The following GABRB3 variants were observed in gnomAD, a reference collection of about 807,000 sequenced individuals.
GABRB3 encodes gamma-aminobutyric acid receptor subunit beta-3.
In GABRB3, 14 loss-of-function variants were observed where a neutral mutation model predicts 52.1. The ratio of observed to expected loss-of-function variants is 0.27; its 90% confidence interval spans 0.18 to 0.42. The LOEUF is 0.42. Ranked by LOEUF, GABRB3 falls within the 10% of genes least tolerant of loss-of-function variation. The pLI is 1.00. For synonymous variants in GABRB3, 260 were observed against 232.3 expected (o/e 1.12, Z -1.08); for missense variants, 307 against 609.1 (o/e 0.50, Z 5.22).
At chr15:26,643,204 C>A (rs1893255717) in intron 3 of GABRB3, among the ~76,000 whole-genome samples, 1 of 152,192 alleles carries the variant, frequency 6.6e-6, no homozygotes, top group Non-Finnish European at 1.5e-5. Flanking sequence ...TATGACAGTT[C>A]ACCGAGGAGC....
chr15:26,772,573 C>A, intron 2 of GABRB3, 104 bp from the exon 3 acceptor site: 1 of 1,435,498 alleles, frequency 7.0e-7, no homozygotes, highest in Non-Finnish European at 9.4e-7. Context: ...CGAAGGGCCC[C>A]CACTCCCACC....
At chr15:26,576,879 G>C (rs1890612989) in intron 6 of GABRB3, among the ~76,000 whole-genome samples, 1 of 152,162 alleles carries the variant, frequency 6.6e-6, no homozygotes, top group Non-Finnish European at 1.5e-5. Flanking sequence ...CGTGTTCAAA[G>C]ACTGAGCCTG....
rs1057524415 is a variant in GABRB3, at chr15:26,772,699, G to A, written c.154C>T (p.Leu52=). Residue 52 remains leucine, a synonymous_variant, in exon 2 of 9, where the codon CTA becomes TTA. Coordinates refer to ENST00000311550, the MANE Select transcript of GABRB3 (RefSeq NM_000814.6). ...DKLLKGYDIR[L]RPDFGGPPVC... ...CACTTACCCCCGAAGTCGGGTCTTAGGCGAATGTCGTAGCCTTTCAACAGC... is the reference window on the plus strand; with the variant it reads ...CACTTACCCCCGAAGTCGGGTCTTAAGCGAATGTCGTAGCCTTTCAACAGC... The A allele has an allele frequency of 4.4e-6, 7 of 1,578,888 alleles. No individual in the cohort carries two copies. The highest frequency in any genetic ancestry group is 6.0e-6 in the Non-Finnish European group (7 of 1,162,538).
rs549696827 is a variant in GABRB3, at chr15:26,615,926, G to A, written c.461+5388C>T. On this transcript the variant is annotated intron_variant, in intron 4 of 8. Transcript: ENST00000311550. The stretch of plus-strand genomic sequence containing the variant: ...GTAGGAAAGCAATCTCTGCTGGGCA[G>A]GACCTTCCTCAGCAGTACTTTACAA... The A allele has an allele frequency of 8.4e-5, 108 of 1,287,206 alleles. No homozygotes were observed. The African/African-American group carries it at 1.2e-3, about 15-fold the overall frequency. 79.7% of individuals were successfully genotyped at this position (1,287,206 alleles called of 1,614,324 possible).
chr15:26,639,104 T>C (rs1007413916), intron 3 of GABRB3, among the ~76,000 whole-genome samples: 30 of 152,252 alleles, frequency 2.0e-4, no homozygotes, highest in African/African-American at 6.0e-4. Context: ...GGTTTTCAGA[T>C]GGTTCTCACG....
intron 3 of GABRB3, among the ~76,000 whole-genome samples, chr15:26,638,782 A>T (rs1893120367): frequency 6.6e-6 from 1 of 152,116 alleles, no homozygotes; most frequent in Admixed American, 6.6e-5. Context: ...CACTATTTTG[A>T]TTTAAACCTT....
chr15:26,619,711 A>C (rs946737861), intron 4 of GABRB3, among the ~76,000 whole-genome samples: 82 of 152,258 alleles, frequency 5.4e-4, no homozygotes, highest in African/African-American at 1.8e-3. Context: ...ATGCAAAAAT[A>C]AAAGTGGAGA....
chr15:26,608,541 T>G (rs1355967137), intron 4 of GABRB3, among the ~76,000 whole-genome samples: 1 of 151,996 alleles, frequency 6.6e-6, no homozygotes, highest in African/African-American at 2.4e-5. Context: ...GTGCAAGCAA[T>G]CCATCCATTA....
Position 26,669,628 on chromosome 15 carries a change from A to ACCCCTCT in GABRB3, c.241-48101_241-48095dup, listed in dbSNP as rs1214673359. 1.6e-3 allele frequency among the ~76,000 whole-genome samples: 222 copies of ACCCCTCT among 142,938 alleles called. 1 individual carries two copies. The highest frequency in any genetic ancestry group is 5.4e-3 in the African/African-American group (208 of 38,320). 93.8% of individuals were successfully genotyped at this position (142,938 alleles called of 152,430 possible). On this transcript the variant is annotated intron_variant, in intron 3 of 8. Coordinates refer to ENST00000311550, the MANE Select transcript of GABRB3 (RefSeq NM_000814.6). ...TGTCTCTCTCTCTCTCTCTCTCCCC[A>ACCCCTCT]CCCCTCTCCTTTAACTTGCACTCCC...
chr15:26,609,417 G>A (rs994650149), intron 4 of GABRB3, among the ~76,000 whole-genome samples: 1 of 152,022 alleles, frequency 6.6e-6, no homozygotes. Context: ...ACTATATCTA[G>A]TTTATTTTTG....
intron 3 of GABRB3, among the ~76,000 whole-genome samples, chr15:26,766,738 T>C (rs1891007181): frequency 6.6e-6 from 1 of 151,572 alleles, no homozygotes; most frequent in Admixed American, 6.6e-5. Context: ...TTTAACTTAT[T>C]TACATGTAGT....
chr15:26,633,644 T>C (rs1254310714), intron 3 of GABRB3, among the ~76,000 whole-genome samples: 2 of 152,160 alleles, frequency 1.3e-5, no homozygotes, highest in Non-Finnish European at 2.9e-5. Flanking sequence ...TAAGATACTG[T>C]GGCGAGCAAT....
intron 3 of GABRB3, among the ~76,000 whole-genome samples, chr15:26,737,520 T>C (rs570814128): frequency 3.3e-5 from 5 of 152,088 alleles, no homozygotes; most frequent in Admixed American, 2.6e-4. Flanking sequence ...GGGTAGAAGA[T>C]AGAACATTTG....
intron 5 of GABRB3, among the ~76,000 whole-genome samples, chr15:26,583,076 C>T (rs542211423): frequency 6.6e-6 from 1 of 152,050 alleles, no homozygotes; most frequent in South Asian, 2.1e-4. Context: ...TGTTTGCTCT[C>T]CTCTCACTGA....
At chr15:26,752,634 T>C (rs1014069790) in intron 3 of GABRB3, among the ~76,000 whole-genome samples, 3 of 152,194 alleles carry the variant, frequency 2.0e-5, no homozygotes, top group South Asian at 2.1e-4. Flanking sequence ...ATTTATGATG[T>C]ACCACATCAG....
chr15:26,735,552 G>A (rs1019884318), intron 3 of GABRB3, among the ~76,000 whole-genome samples: 2 of 152,204 alleles, frequency 1.3e-5, no homozygotes, highest in African/African-American at 4.8e-5. Context: ...TAAACAAATT[G>A]TGGTATATCT....
chr15:26,634,132 G>A (rs1350664669), intron 3 of GABRB3, among the ~76,000 whole-genome samples: 1 of 152,000 alleles, frequency 6.6e-6, no homozygotes, highest in Non-Finnish European at 1.5e-5. Context: ...AAGGGAGAGG[G>A]GCACCCCCCT....
chr15:26,552,520 T>C (rs1889514367), intron 8 of GABRB3, among the ~76,000 whole-genome samples: 1 of 152,154 alleles, frequency 6.6e-6, no homozygotes, highest in African/African-American at 2.4e-5. Context: ...GGCAGTAGCA[T>C]GTCCCTTGTG....
rs549431474 is a variant in GABRB3, at chr15:26,655,613, G to A, written c.241-34079C>T. ...AAAAATTAGCCAGGCGTGGTGGCGG[G>A]CGCCTGTAGTCCAGGCTACTCGGGA... On this transcript the variant is annotated intron_variant, in intron 3 of 8. Transcript: ENST00000311550. 1.4e-3 allele frequency among the ~76,000 whole-genome samples: 207 copies of A among 152,208 alleles called. 1 individual carries two copies. Among genetic ancestry groups the A allele is most frequent in the African/African-American group, 4.8e-3 (201 of 41,528 alleles).
Sources: allele counts gnomAD v4.1 joint callset (sites outside exome capture counted in the v4.1 genomes callset), GRCh38; gene constraint gnomAD v4.1.1; transcripts MANE v1.5; gene names NCBI Gene and HGNC (gene_info 2026-07-23, HGNC 2026-07-21).